The following SGCZ variants were observed in gnomAD, a reference collection of about 807,000 sequenced individuals.
SGCZ encodes zeta-sarcoglycan.
SGCZ carries 40 observed loss-of-function variants against 41.3 expected under a neutral mutation model. That is an observed-to-expected ratio of 0.97 (90% CI 0.75 to 1.26). The LOEUF (loss-of-function observed/expected upper bound fraction) is 1.26, where lower values mean the gene tolerates loss of function less well. Among genes scored for constraint, SGCZ ranks in the 50% most tolerant of loss-of-function variants. The pLI, the probability that SGCZ is intolerant of heterozygous loss-of-function variation, is 0.00. For missense variants in SGCZ, 552 were observed against 369.8 expected (o/e 1.49, Z -4.04); for synonymous variants, 206 against 137.5 (o/e 1.50, Z -3.49).
chr8:14,425,276 G>A (rs1424822688), intron 2 of SGCZ, among the ~76,000 whole-genome samples: 1 of 152,122 alleles, frequency 6.6e-6, no homozygotes, highest in Non-Finnish European at 1.5e-5. Flanking sequence ...TCTGACAGGT[G>A]ATATAATTCC....
intron 1 of SGCZ, among the ~76,000 whole-genome samples, chr8:15,055,366 C>A (rs1024603576): frequency 2.0e-5 from 3 of 152,048 alleles, no homozygotes; most frequent in Non-Finnish European, 4.4e-5. Context: ...TTTTTGTTAT[C>A]CTTTCATAGT....
intron 1 of SGCZ, among the ~76,000 whole-genome samples, chr8:15,150,990 A>G (rs888506800): frequency 1.3e-5 from 2 of 152,244 alleles, no homozygotes; most frequent in African/African-American, 2.4e-5. Flanking sequence ...CATGGCAGAA[A>G]TTATGGGCAC....
chr8:14,089,078 G>A lies in SGCZ; in HGVS notation c.*1365C>T, dbSNP rs531561165. ...TTCTTTGACTCTGTAAGTTTCAAGA[G>A]TTTGAGTTAAGGGGTGCTGTGATAA... On this transcript the variant is annotated 3_prime_UTR_variant, in exon 8 of 8. Coordinates refer to ENST00000382080, the MANE Select transcript of SGCZ (RefSeq NM_139167.4). Among the ~76,000 whole-genome samples the A allele has an allele frequency of 6.6e-6, 1 of 152,076 alleles. No homozygotes were observed. The highest frequency in any genetic ancestry group is 1.5e-5 in the Non-Finnish European group (1 of 67,930).
intron 2 of SGCZ, among the ~76,000 whole-genome samples, chr8:14,553,312 A>G (rs1337359335): frequency 1.3e-5 from 2 of 152,034 alleles, no homozygotes; most frequent in Non-Finnish European, 2.9e-5. Flanking sequence ...CTCATAAGGG[A>G]GAATGTACCT....
intron 5 of SGCZ, among the ~76,000 whole-genome samples, chr8:14,112,706 G>T (rs990016636): frequency 2.6e-5 from 4 of 151,730 alleles, no homozygotes; most frequent in African/African-American, 9.7e-5. Flanking sequence ...AAGCCCTTTG[G>T]TTTTTATTTG....
intron 7 of SGCZ, among the ~76,000 whole-genome samples, chr8:14,098,177 C>T (rs528772347): frequency 2.4e-3 from 359 of 152,114 alleles, no homozygotes; most frequent in Non-Finnish European, 2.9e-3. Context: ...CAACAGTATT[C>T]AAAGTTAAAA....
chr8:14,570,165 G>C (rs1399780767), intron 1 of SGCZ, among the ~76,000 whole-genome samples: 4 of 152,112 alleles, frequency 2.6e-5, no homozygotes, highest in African/African-American at 9.7e-5. Context: ...GTTTACACAT[G>C]TAACTCCTTC....
intron 2 of SGCZ, among the ~76,000 whole-genome samples, chr8:14,420,665 A>T (rs1035419288): frequency 6.6e-6 from 1 of 152,098 alleles, no homozygotes; most frequent in Non-Finnish European, 1.5e-5. Context: ...CAGCAATAGA[A>T]CTGGAGAAAT....
chr8:14,855,851 C>T (rs1220587332), intron 1 of SGCZ, among the ~76,000 whole-genome samples: 1 of 152,064 alleles, frequency 6.6e-6, no homozygotes, highest in Non-Finnish European at 1.5e-5. Flanking sequence ...AATTCTAAGG[C>T]TTTCACTTCT....
At chr8:14,342,926 G>C (rs527382360) in intron 2 of SGCZ, among the ~76,000 whole-genome samples, 1 of 152,228 alleles carries the variant, frequency 6.6e-6, no homozygotes, top group South Asian at 2.1e-4. Flanking sequence ...GGTTTTGTGG[G>C]CTGGGCCCAG....
At chr8:14,330,677 C>T (rs573122693) in intron 2 of SGCZ, among the ~76,000 whole-genome samples, 1 of 151,864 alleles carries the variant, frequency 6.6e-6, no homozygotes, top group South Asian at 2.1e-4. Context: ...TTGCAATGAT[C>T]TCATGGTAAT....
intron 2 of SGCZ, among the ~76,000 whole-genome samples, chr8:14,452,181 C>G (rs928382950): frequency 6.6e-6 from 1 of 152,118 alleles, no homozygotes; most frequent in Admixed American, 6.6e-5. Flanking sequence ...ACGGAGACAA[C>G]TTCTACTAAG....
In SGCZ at chr8:14,673,436, C is replaced by T. The variant is rs150152790; in HGVS notation, c.40-118510G>A. Among the ~76,000 whole-genome samples, 333 of 152,110 alleles carry T rather than the reference C, an allele frequency of 2.2e-3. 2 individuals carry two copies. Among genetic ancestry groups the T allele is most frequent in the African/African-American group, 7.3e-3 (302 of 41,524 alleles). ...TCGCGCTCGCGCTGTCTCTCTCTCGCGCTCGCGCTGTCTCTCTCTCTCTCT... is the reference window on the plus strand; with the variant it reads ...TCGCGCTCGCGCTGTCTCTCTCTCGTGCTCGCGCTGTCTCTCTCTCTCTCT... On this transcript the variant is annotated intron_variant, in intron 1 of 7. Coordinates refer to ENST00000382080, the MANE Select transcript of SGCZ (RefSeq NM_139167.4).
At chr8:14,186,541 A>G (rs1804907769) in intron 4 of SGCZ, among the ~76,000 whole-genome samples, 1 of 152,144 alleles carries the variant, frequency 6.6e-6, no homozygotes, top group African/African-American at 2.4e-5. Context: ...CAAGAAGACT[A>G]AAGGCACTCC....
At chr8:14,388,953 T>G (rs912513961) in intron 2 of SGCZ, among the ~76,000 whole-genome samples, 1 of 151,984 alleles carries the variant, frequency 6.6e-6, no homozygotes, top group Non-Finnish European at 1.5e-5. Context: ...TGAATAACAT[T>G]GTACAATAAA....
chr8:14,653,237 C>T (rs1807460049), intron 1 of SGCZ, among the ~76,000 whole-genome samples: 1 of 152,000 alleles, frequency 6.6e-6, no homozygotes, highest in African/African-American at 2.4e-5. Flanking sequence ...GTGACATGAC[C>T]TGTGTCAATT....
chr8:14,454,332 G>T (rs1028154260), intron 2 of SGCZ, among the ~76,000 whole-genome samples: 31 of 152,236 alleles, frequency 2.0e-4, no homozygotes, highest in African/African-American at 7.0e-4. Flanking sequence ...AAGCCAACAC[G>T]GGAAACATGC....
chr8:14,897,925 G>C (rs1392933352), intron 1 of SGCZ, among the ~76,000 whole-genome samples: 1 of 152,120 alleles, frequency 6.6e-6, no homozygotes, highest in African/African-American at 2.4e-5. Flanking sequence ...AAGGGATAGA[G>C]GCATTTTCAA....
intron 1 of SGCZ, among the ~76,000 whole-genome samples, chr8:14,627,152 A>G (rs888837323): frequency 1.3e-5 from 2 of 152,190 alleles, no homozygotes; most frequent in Admixed American, 6.5e-5. Flanking sequence ...TAAAATATGT[A>G]TTCTTTGAAA....
Sources: gnomAD v4.1 joint callset for allele counts (sites outside exome capture counted in the v4.1 genomes callset) on GRCh38, gnomAD v4.1.1 for gene constraint, MANE v1.5 for transcripts, NCBI Gene and HGNC (gene_info 2026-07-23, HGNC 2026-07-21) for gene names.